GRIK3: variants seen among roughly 807,000 people sequenced by gnomAD.
GRIK3 encodes glutamate ionotropic receptor kainate type subunit 3, also known as glutamate receptor ionotropic, kainate 3.
GRIK3 carries 29 observed loss-of-function variants against 102.5 expected under a neutral mutation model. That is an observed-to-expected ratio of 0.28 (90% CI 0.21 to 0.39). GRIK3 has a LOEUF of 0.39. Ranked by LOEUF, GRIK3 falls within the 10% of genes least tolerant of loss-of-function variation. GRIK3 has a pLI of 1.00. For missense variants in GRIK3, 908 were observed against 1,252.4 expected, an observed-to-expected ratio of 0.73 and a Z score of 4.15; for synonymous variants, 511 against 504.9, an observed-to-expected ratio of 1.01 and a Z score of -0.16.
At chr1:36,899,262 T>A (rs1235459249) in intron 1 of GRIK3, among the ~76,000 whole-genome samples, 1 of 152,186 alleles carries the variant, frequency 6.6e-6, no homozygotes, top group African/African-American at 2.4e-5. Flanking sequence ...TGCGAGAAGA[T>A]ATTTGCAAAT....
At chr1:36,925,224 A>C (rs904094076) in intron 1 of GRIK3, among the ~76,000 whole-genome samples, 4 of 152,238 alleles carry the variant, frequency 2.6e-5, no homozygotes, top group African/African-American at 4.8e-5. Flanking sequence ...ACTTGAACTC[A>C]CACATGTGAA....
rs1642438070 is a variant in GRIK3, at chr1:36,801,379, A to T, written c.*472T>A. The T allele has an allele frequency of 6.4e-6, 1 of 155,160 alleles. No individual in the cohort carries two copies. The highest frequency in any genetic ancestry group is 2.0e-4 in the South Asian group (1 of 4,970). The allele number at this position is 155,160 out of a possible 1,614,324, so 9.6% of individuals were successfully genotyped here. A position where few individuals can be genotyped will look rare whatever the true frequency, so the allele number is the denominator to read the frequency against. ...GCATATGGGATGGGTATCCCTCACCATGAGCTCCCATTGGCAGCCATGCTA... is the reference window on the plus strand; with the variant it reads ...GCATATGGGATGGGTATCCCTCACCTTGAGCTCCCATTGGCAGCCATGCTA... On this transcript the variant is annotated 3_prime_UTR_variant, in exon 16 of 16. Transcript: ENST00000373091.
intron 10 of GRIK3, among the ~76,000 whole-genome samples, chr1:36,827,713 T>G (rs935439159): frequency 3.3e-5 from 5 of 152,122 alleles, no homozygotes; most frequent in Non-Finnish European, 7.4e-5. Flanking sequence ...CCAGTCAAAA[T>G]CAGATGTCAA....
At chr1:36,812,287 G>A (rs868867822) in intron 13 of GRIK3, among the ~76,000 whole-genome samples, 16 of 152,188 alleles carry the variant, frequency 1.1e-4, no homozygotes, top group Admixed American at 6.5e-4. Flanking sequence ...GGGGCCCAGG[G>A]AACCTGGCAT....
chr1:36,899,197 C>CA (rs1641206208), intron 1 of GRIK3, among the ~76,000 whole-genome samples: 1 of 151,936 alleles, frequency 6.6e-6, no homozygotes, highest in Admixed American at 6.6e-5. Flanking sequence ...AAAAAATTAC[C>CA]AAAAAACTGT....
chr1:37,033,389 C>T (rs1642849550), intron 1 of GRIK3, among the ~76,000 whole-genome samples: 1 of 152,196 alleles, frequency 6.6e-6, no homozygotes, highest in Admixed American at 6.5e-5. Flanking sequence ...CCCCGAGGGA[C>T]CAGCTGCAGC....
intron 1 of GRIK3, among the ~76,000 whole-genome samples, chr1:36,983,649 C>T (rs553632805): frequency 6.6e-6 from 1 of 152,168 alleles, no homozygotes; most frequent in Admixed American, 6.5e-5. Flanking sequence ...ATGCTCTTGA[C>T]CACTACTCTA....
At chr1:36,978,506 C>T (rs866900073) in intron 1 of GRIK3, among the ~76,000 whole-genome samples, 1 of 152,200 alleles carries the variant, frequency 6.6e-6, no homozygotes, top group Non-Finnish European at 1.5e-5. Context: ...TGGCTTAAAG[C>T]AATAAGCATT....
At position 36,840,551 on chromosome 1, in the gene GRIK3, CAAA is replaced by C. The variant is rs11442581; in HGVS notation, c.1530+1182_1530+1184del. On this transcript the variant is annotated intron_variant, in intron 10 of 15. Transcript: ENST00000373091. ...AACAAAGTGAGACCCTGCTCTCCAC[CAAA>C]AAAAAAAAAAAAAAAAAAAAAAATT... 9.4e-3 allele frequency among the ~76,000 whole-genome samples: 688 copies of C among 73,246 alleles called. 9 individuals carry two copies. Among genetic ancestry groups the C allele is most frequent in the African/African-American group, 0.034 (635 of 18,636 alleles). 48.1% of individuals were successfully genotyped at this position (73,246 alleles called of 152,430 possible).
intron 13 of GRIK3, among the ~76,000 whole-genome samples, chr1:36,807,559 G>A (rs1642514865): frequency 6.6e-6 from 1 of 152,200 alleles, no homozygotes; most frequent in Admixed American, 6.5e-5. Flanking sequence ...GCATGGGCAG[G>A]GGGATGGGGA....
chr1:36,917,394 G>A (rs1257687728), intron 1 of GRIK3, among the ~76,000 whole-genome samples: 5 of 152,154 alleles, frequency 3.3e-5, no homozygotes, highest in Non-Finnish European at 7.3e-5. Flanking sequence ...TGTTGGGAAG[G>A]CATCGGTTTT....
chr1:37,020,269 C>T (rs1484849259), intron 1 of GRIK3, among the ~76,000 whole-genome samples: 3 of 152,164 alleles, frequency 2.0e-5, no homozygotes, highest in Non-Finnish European at 4.4e-5. Flanking sequence ...CACCTGGAAC[C>T]GCTGGGGTTG....
Position 36,819,699 on chromosome 1 carries a change from G to T in GRIK3, c.1873+37C>A. 1 of 1,085,526 alleles carries T rather than the reference G, an allele frequency of 9.2e-7. No homozygotes were observed. The highest frequency in any genetic ancestry group is 1.2e-5 in the South Asian group (1 of 80,016). 67.2% of individuals were successfully genotyped at this position (1,085,526 alleles called of 1,614,324 possible). A position where few individuals can be genotyped will look rare whatever the true frequency, so the allele number is the denominator to read the frequency against. Reference sequence around the variant, plus strand: ...GGCTGAAGACCGCTTGGGGAAAGCAGACCCTGGAAGGGGAGGCCCTGGGAG... The same window carrying T: ...GGCTGAAGACCGCTTGGGGAAAGCATACCCTGGAAGGGGAGGCCCTGGGAG... On this transcript the variant is annotated intron_variant, in intron 12 of 15. Transcript: ENST00000373091. This position sits in a 1 kb window ranked among gnomAD's most constrained non-coding sequence, Gnocchi z 4.1.
At chr1:36,999,102 G>T (rs1024528022) in intron 1 of GRIK3, among the ~76,000 whole-genome samples, 1 of 152,024 alleles carries the variant, frequency 6.6e-6, no homozygotes, top group Admixed American at 6.5e-5. Context: ...GAACAGATGG[G>T]GCATGGAGTA....
Position 36,805,191 on chromosome 1 carries a change from C to T in GRIK3, c.2361G>A (p.Gln787=). 1 of 1,614,010 alleles carries T rather than the reference C, an allele frequency of 6.2e-7. No individual in the cohort carries two copies. The highest frequency in any genetic ancestry group is 8.5e-7 in the Non-Finnish European group (1 of 1,179,928). The part of the protein sequence containing the change: ...DKITIAILQL[Q]EEDKLHIMKE... ...TCATGATATGCAGCTTGTCCTCCTC[C>T]TGAAGCTGCAGGATGGCGATGGTGA... The change falls in exon 15 of 16, where the codon CAG becomes CAA. Residue 787 remains glutamine (Q), a synonymous_variant. Transcript: ENST00000373091.
intron 4 of GRIK3, among the ~76,000 whole-genome samples, chr1:36,871,759 G>A (rs1030051849): frequency 2.0e-5 from 3 of 152,216 alleles, no homozygotes; most frequent in East Asian, 1.9e-4. Context: ...CGTGGGCTAC[G>A]GGGAATTAGT....
rs141575351 is a variant in GRIK3 at position 36,896,709 on chromosome 1, A to G, written c.116-5613T>C. ...CAAAGGTCTAAATGCATCAACTAAA[A>G]GAGATTGTCAAAGTGGATCAAAAAA... On this transcript the variant is annotated intron_variant, in intron 1 of 15. Transcript: ENST00000373091. Among the ~76,000 whole-genome samples, 354 of 152,294 alleles carry G rather than the reference A, an allele frequency of 2.3e-3. 2 individuals are homozygous for G. The highest frequency in any genetic ancestry group is 8.1e-3 in the African/African-American group (336 of 41,584).
chr1:36,931,650 C>T (rs1641591858), intron 1 of GRIK3, among the ~76,000 whole-genome samples: 1 of 152,194 alleles, frequency 6.6e-6, no homozygotes, highest in South Asian at 2.1e-4. Flanking sequence ...GAGTGTTTTT[C>T]TTTGCCATAT....
chr1:36,997,021 A>C (rs1642427413), intron 1 of GRIK3, among the ~76,000 whole-genome samples: 1 of 152,194 alleles, frequency 6.6e-6, no homozygotes, highest in African/African-American at 2.4e-5. Context: ...CCCAAATGCC[A>C]AGAGTGCTGA....
Sources: gnomAD v4.1 joint callset for allele counts (sites outside exome capture counted in the v4.1 genomes callset) on GRCh38, gnomAD v4.1.1 for gene constraint, Gnocchi (gnomAD v3.1) non-coding constraint, MANE v1.5 for transcripts, NCBI Gene and HGNC (gene_info 2026-07-23, HGNC 2026-07-21) for gene names.